Variants in ADAM10 observed in about 807,000 individuals in gnomAD.
The protein encoded by ADAM10 is disintegrin and metalloproteinase domain-containing protein 10.
ADAM10 carries 17 observed loss-of-function variants against 90.1 expected under a neutral mutation model. That is an observed-to-expected ratio of 0.19 (90% confidence interval 0.13 to 0.28). The LOEUF is 0.28. Ranked by LOEUF, ADAM10 falls within the 10% of genes least tolerant of loss-of-function variation. The probability of loss-of-function intolerance (pLI) is 1.00; values close to 1 mark genes in which losing one functional copy is unlikely to be tolerated. For missense variants in ADAM10, 610 were observed against 914.3 expected (o/e 0.67, Z 4.29); for synonymous variants, 310 against 298.6 (o/e 1.04, Z -0.40).
intron 14 of ADAM10, among the ~76,000 whole-genome samples, chr15:58,605,206 A>C (rs529067452): frequency 6.6e-6 from 1 of 152,338 alleles, no homozygotes; most frequent in South Asian, 2.1e-4. Flanking sequence ...ATGGCACTCA[A>C]GCCCTTCAGA....
chr15:58,720,792 T>C (rs1190312068), intron 1 of ADAM10, among the ~76,000 whole-genome samples: 2 of 152,222 alleles, frequency 1.3e-5, no homozygotes, highest in Admixed American at 1.3e-4. Context: ...ATAAATGTAG[T>C]ATAATTGAGT....
intron 8 of ADAM10, among the ~76,000 whole-genome samples, chr15:58,633,634 C>T (rs1378202570): frequency 6.6e-6 from 1 of 152,028 alleles, no homozygotes; most frequent in African/African-American, 2.4e-5. Flanking sequence ...AATGTTATTC[C>T]CATTAATTTA....
Position 58,654,154 on chromosome 15 carries a change from T to C in ADAM10, c.586-7950A>G, listed in dbSNP as rs114653182. On this transcript the variant is annotated intron_variant, in intron 5 of 15. Transcript: ENST00000260408. ...TGTTTACGATTTCAAAAAACAACTTTTTGTTTCTTTGATCTTTTATACTGT... is the reference window on the plus strand; with the variant it reads ...TGTTTACGATTTCAAAAAACAACTTCTTGTTTCTTTGATCTTTTATACTGT... Among the ~76,000 whole-genome samples the C allele has an allele frequency of 3.4e-3, 519 of 152,256 alleles. 6 individuals are homozygous for C. The highest frequency in any genetic ancestry group is 0.012 in the African/African-American group (489 of 41,576).
chr15:58,633,076 T>C, intron 9 of ADAM10, 120 bp downstream of exon 9: 1 of 965,880 alleles, frequency 1.0e-6, no homozygotes, highest in Non-Finnish European at 1.6e-6. Flanking sequence ...TACTGTGCTC[T>C]GACATAAAAA....
Position 58,597,433 on chromosome 15 carries a change from T to A in ADAM10, c.*114A>T. ...GAGGATATGATCTCTTGCCATTTTTTCTTCAACTGTTACTTGTGAGGGTTT... is the reference window on the plus strand; with the variant it reads ...GAGGATATGATCTCTTGCCATTTTTACTTCAACTGTTACTTGTGAGGGTTT... On this transcript the variant is annotated 3_prime_UTR_variant, in exon 16 of 16. Transcript: ENST00000260408. The A allele has an allele frequency of 6.4e-7, 1 of 1,574,140 alleles. No homozygotes were observed. Among genetic ancestry groups the A allele is most frequent in the Non-Finnish European group, 8.6e-7 (1 of 1,158,152 alleles).
intron 4 of ADAM10, among the ~76,000 whole-genome samples, chr15:58,669,046 C>A (rs1384764929): frequency 6.6e-6 from 1 of 152,104 alleles, no homozygotes; most frequent in Non-Finnish European, 1.5e-5. Flanking sequence ...ACATAAATCT[C>A]CTAATCATAT....
chr15:58,658,750 TTTTAA>T (rs1235476715), intron 5 of ADAM10, among the ~76,000 whole-genome samples: 2 of 152,220 alleles, frequency 1.3e-5, no homozygotes, highest in African/African-American at 2.4e-5. Flanking sequence ...TTTGATGCTA[TTTTAA>T]TTTTTTTCAT....
intron 14 of ADAM10, among the ~76,000 whole-genome samples, chr15:58,601,750 T>C (rs1895118164): frequency 6.6e-6 from 1 of 152,240 alleles, no homozygotes; most frequent in South Asian, 2.1e-4. Flanking sequence ...TTCTCTCCTT[T>C]GATTTGGAAA....
chr15:58,619,298 G>A (rs1464246311), intron 11 of ADAM10, among the ~76,000 whole-genome samples: 2 of 152,224 alleles, frequency 1.3e-5, no homozygotes, highest in Non-Finnish European at 1.5e-5. Context: ...ATAGAGGTTA[G>A]AGAGTAGAAT....
intron 2 of ADAM10, among the ~76,000 whole-genome samples, chr15:58,714,117 GA>G (rs1322193804): frequency 2.0e-5 from 3 of 151,988 alleles, no homozygotes; most frequent in Admixed American, 2.0e-4. Context: ...GAATTCTTAA[GA>G]ATGGACTTTT....
chr15:58,648,053 T>G (rs572737145), intron 5 of ADAM10, among the ~76,000 whole-genome samples: 1 of 152,320 alleles, frequency 6.6e-6, no homozygotes, highest in East Asian at 1.9e-4. Flanking sequence ...AATGAAAAAT[T>G]TGTATTATAT....
At chr15:58,742,550 G>A (rs1211991349) in intron 1 of ADAM10, among the ~76,000 whole-genome samples, 3 of 152,200 alleles carry the variant, frequency 2.0e-5, no homozygotes, top group African/African-American at 7.2e-5. Context: ...TACATTCCCT[G>A]AGAAATATTC....
intron 1 of ADAM10, among the ~76,000 whole-genome samples, chr15:58,726,202 A>G (rs544230219): frequency 6.6e-6 from 1 of 152,232 alleles, no homozygotes; most frequent in South Asian, 2.1e-4. Flanking sequence ...ATATTATTTG[A>G]AAGTATACAG....
intron 2 of ADAM10, chr15:58,691,282 C>G (rs1219886099): frequency 3.2e-6 from 4 of 1,248,378 alleles, no homozygotes; most frequent in Admixed American, 1.8e-5. Context: ...TCCAGACCCT[C>G]CTTGGTAACT....
At chr15:58,644,214 GTTTTTTTTTTTCT>G (rs1896490354) in intron 6 of ADAM10, among the ~76,000 whole-genome samples, 1 of 144,502 alleles carries the variant, frequency 6.9e-6, no homozygotes, top group African/African-American at 2.5e-5. Context: ...CTTCTTTGCG[GTTTTTTTTTTTCT>G]TTTTTTGTTT....
Position 58,599,724 on chromosome 15 carries a change from C to T in ADAM10, c.2026G>A (p.Ala676Thr). The T allele has an allele frequency of 6.2e-7, 1 of 1,607,094 alleles. No homozygotes were observed. The highest frequency in any genetic ancestry group is 8.5e-7 in the Non-Finnish European group (1 of 1,178,870). The change falls in exon 15 of 16, where the codon GCT becomes ACT. Residue 676 changes from alanine (A) to threonine (T), a missense_variant and splice_region_variant. Transcript: ENST00000260408. ...LYENIAEWIVAHWWAVLLMGI... is the reference protein window; with the variant it reads ...LYENIAEWIVTHWWAVLLMGI... Reference sequence around the variant, plus strand: ...ATAAGTAATACTGCCCACCAATGAGCCTAGAAATAAACAGATTTTTCCACT... The same window carrying T: ...ATAAGTAATACTGCCCACCAATGAGTCTAGAAATAAACAGATTTTTCCACT...
chr15:58,691,459 G>C (rs756671252), intron 2 of ADAM10: 1 of 649,864 alleles, frequency 1.5e-6, no homozygotes, highest in Non-Finnish European at 3.0e-6. Context: ...ATGGACTTCT[G>C]TGCCTCCTTC....
At chr15:58,677,695 G>A (rs542564265) in intron 4 of ADAM10, among the ~76,000 whole-genome samples, 2 of 152,114 alleles carry the variant, frequency 1.3e-5, no homozygotes, top group South Asian at 4.1e-4. Flanking sequence ...TGATAGAAAG[G>A]AAAAAATAAT....
intron 2 of ADAM10, among the ~76,000 whole-genome samples, chr15:58,707,637 A>G (rs1446849465): frequency 6.6e-6 from 1 of 152,254 alleles, no homozygotes; most frequent in Admixed American, 6.5e-5. Flanking sequence ...TCATGATGGC[A>G]TAATTACAGA....
Sources: allele counts gnomAD v4.1 joint callset (sites outside exome capture counted in the v4.1 genomes callset), GRCh38; gene constraint gnomAD v4.1.1; transcripts MANE v1.5; gene names NCBI Gene and HGNC (gene_info 2026-07-23, HGNC 2026-07-21).